SCAP: variants seen among roughly 807,000 people sequenced by gnomAD.
SCAP encodes the protein SREBF chaperone, also known as sterol regulatory element-binding protein cleavage-activating protein.
A neutral mutation model predicts 123.6 loss-of-function variants in SCAP; 65 were observed. The observed-to-expected ratio is 0.53, with a 90% confidence interval of 0.43 to 0.65. SCAP has a LOEUF of 0.65. SCAP is among the 30% of genes least tolerant of loss of function. The pLI is 0.00. For synonymous variants in SCAP, 740 were observed against 726.3 expected (o/e 1.02, Z -0.30); for missense variants, 1,398 against 1,712.5 (o/e 0.82, Z 3.24).
At chr3:47,435,211 C>G in intron 2 of SCAP, 74 bp from the exon 3 acceptor site, 1 of 1,472,998 alleles carries the variant, frequency 6.8e-7, no homozygotes, top group Middle Eastern at 2.0e-4. Context: ...ACACAGGAGC[C>G]ACTGGAGTTA....
In SCAP at chr3:47,449,575, C is replaced by G. The variant is rs1248553414; in HGVS notation, c.-98-6484G>C. Among the ~76,000 whole-genome samples, 3 of 124,224 alleles carry G rather than the reference C, an allele frequency of 2.4e-5. 1 individual carries two copies. The highest frequency in any genetic ancestry group is 5.3e-5 in the Non-Finnish European group (3 of 56,210). 81.5% of individuals were successfully genotyped at this position (124,224 alleles called of 152,430 possible). A position where few individuals can be genotyped will look rare whatever the true frequency, so the allele number is the denominator to read the frequency against. ...AGAAAAGGAGAAAAGACAAAGCAAACAACACACGAGATTTCTTCCTCCATC... is the reference window on the plus strand; with the variant it reads ...AGAAAAGGAGAAAAGACAAAGCAAAGAACACACGAGATTTCTTCCTCCATC... On this transcript the variant is annotated intron_variant, in intron 1 of 22. Transcript: ENST00000265565.
chr3:47,427,115 C>T (rs1487319894), intron 6 of SCAP, 42 bp downstream of exon 6: 2 of 1,426,014 alleles, frequency 1.4e-6, no homozygotes, highest in Non-Finnish European at 2.0e-6. Context: ...CCTCATGTCA[C>T]CCAGCAGACC....
chr3:47,426,052 G>A lies in SCAP; in HGVS notation c.855C>T (p.Leu285=). 1 of 1,614,218 alleles carries A rather than the reference G, an allele frequency of 6.2e-7. No homozygotes were observed. The highest frequency in any genetic ancestry group is 8.5e-7 in the Non-Finnish European group (1 of 1,180,026). The part of the protein sequence containing the change: ...HFKEEIGVAE[L]IPLVTTYIIL... ...TGATGTAGGTGGTCACAAGGGGGATGAGCTCAGCGACACCAATCTCCTCCT... is the reference window on the plus strand; with the variant it reads ...TGATGTAGGTGGTCACAAGGGGGATAAGCTCAGCGACACCAATCTCCTCCT... The change falls in exon 7 of 23, where the codon CTC becomes CTT. Residue 285 remains leucine, a synonymous_variant. Transcript: ENST00000265565.
chr3:47,415,864 T>C (rs777304971), intron 18 of SCAP, among the ~76,000 whole-genome samples: 1 of 152,024 alleles, frequency 6.6e-6, no homozygotes, highest in Non-Finnish European at 1.5e-5. Context: ...TGGAAGTGGG[T>C]GGACAAGGAG....
intron 1 of SCAP, among the ~76,000 whole-genome samples, chr3:47,454,121 A>G (rs1707320846): frequency 2.0e-5 from 3 of 152,208 alleles, no homozygotes; most frequent in Non-Finnish European, 4.4e-5. Context: ...TAATCCCAGC[A>G]CTTTGGGTGG....
rs201644938 is a variant in SCAP at position 47,425,982 on chromosome 3, C to G, written c.910+15G>C. Reference sequence around the variant, plus strand: ...AGCTTGGAGAAAGCCCTCAGCCTCCCTGCCATGAACCTACGCGTGGAGAAG... The same window carrying G: ...AGCTTGGAGAAAGCCCTCAGCCTCCGTGCCATGAACCTACGCGTGGAGAAG... On this transcript the variant is annotated intron_variant, in intron 7 of 22. Transcript: ENST00000265565. 6.2e-7 allele frequency: 1 copy of G among 1,613,820 alleles called. No individual in the cohort carries two copies. Among genetic ancestry groups the G allele is most frequent in the South Asian group, 1.1e-5 (1 of 91,042 alleles).
chr3:47,432,511 A>G (rs1378797470), intron 3 of SCAP, among the ~76,000 whole-genome samples: 1 of 151,972 alleles, frequency 6.6e-6, no homozygotes, highest in Non-Finnish European at 1.5e-5. Context: ...GTGAGCCTCT[A>G]TCTGTCCCCC....
At chr3:47,432,408 CCCT>C (rs1017094199) in intron 3 of SCAP, among the ~76,000 whole-genome samples, 12 of 151,638 alleles carry the variant, frequency 7.9e-5, no homozygotes, top group African/African-American at 2.2e-4. Flanking sequence ...TCGATTGCCC[CCCT>C]ATGTCTCTTT....
rs199986589 is a variant in SCAP, at chr3:47,424,045, G to A, written c.1038C>T (p.Gly346=). 2.5e-5 allele frequency: 41 copies of A among 1,609,334 alleles called. No individual in the cohort carries two copies. The highest frequency in any genetic ancestry group is 8.9e-5 in the East Asian group (4 of 44,868). ...CCACCACAAGGTAGGGGAAAATCTCGCTGGGGACAGAGAAGGAGAAGGTGA... is the reference window on the plus strand; with the variant it reads ...CCACCACAAGGTAGGGGAAAATCTCACTGGGGACAGAGAAGGAGAAGGTGA... ...LFGLTPTLNG[G]EIFPYLVVVI... is the part of the protein sequence containing the mutation. Residue 346 remains glycine (G), a splice_region_variant and synonymous_variant, in exon 9 of 23, where the codon GGC becomes GGT. Coordinates refer to ENST00000265565, the MANE Select transcript of SCAP (RefSeq NM_012235.4).
chr3:47,422,392 C>T (rs1460610709), intron 10 of SCAP, 50 bp downstream of exon 10: 8 of 1,530,626 alleles, frequency 5.2e-6, no homozygotes, highest in South Asian at 2.3e-5. Context: ...AGCTGGGGAG[C>T]ACAGCAGTTG....
intron 1 of SCAP, among the ~76,000 whole-genome samples, chr3:47,454,492 C>G (rs1707341286): frequency 6.6e-6 from 1 of 151,950 alleles, no homozygotes. Context: ...TTTGGGAGAC[C>G]AAGGCTGGTG....
intron 1 of SCAP, among the ~76,000 whole-genome samples, chr3:47,474,887 C>T (rs1708207734): frequency 6.6e-6 from 1 of 152,202 alleles, no homozygotes; most frequent in African/African-American, 2.4e-5. Context: ...GACCCTGACT[C>T]CCTAATAAAA....
chr3:47,423,812 G>A (rs555342511), intron 9 of SCAP, 121 bp downstream of exon 9: 45 of 724,086 alleles, frequency 6.2e-5, no homozygotes, highest in South Asian at 4.2e-4. Context: ...ATATTATGCC[G>A]GAGGCAAGAG....
intron 2 of SCAP, among the ~76,000 whole-genome samples, chr3:47,437,139 G>A (rs945211499): frequency 5.9e-5 from 9 of 152,216 alleles, no homozygotes; most frequent in Admixed American, 4.6e-4. Flanking sequence ...TCTGGTTTGA[G>A]CTATTAAGAA....
Position 47,420,957 on chromosome 3 carries a change from G to A in SCAP, c.1318C>T (p.Leu440=). 6.2e-7 allele frequency: 1 copy of A among 1,613,936 alleles called. No homozygotes were observed. The highest frequency in any genetic ancestry group is 2.2e-5 in the East Asian group (1 of 44,874). ...TCCATCCGGCGAATGTCAATGGACA[G>A]GACAGTGGTGAAAAACAGCATCTGA... ...FLQMLFFTTV[L]SIDIRRMELA... Residue 440 remains leucine (L), a synonymous_variant, in exon 11 of 23, where the codon CTG becomes TTG. Transcript: ENST00000265565. The surrounding 1 kb of genome is among the most constrained non-coding windows in gnomAD (Gnocchi z 5.0).
intron 2 of SCAP, among the ~76,000 whole-genome samples, chr3:47,441,412 G>A (rs1432777745): frequency 1.3e-5 from 2 of 152,014 alleles, no homozygotes; most frequent in African/African-American, 4.8e-5. Context: ...AGGCTGAGGT[G>A]AGCTGTGATT....
intron 13 of SCAP, 90 bp from the exon 14 acceptor site, chr3:47,418,933 G>T: frequency 7.5e-7 from 1 of 1,334,356 alleles, no homozygotes. Context: ...CTCCTCCCCA[G>T]GCAGGCCTCA....
intron 18 of SCAP, 31 bp from the exon 19 acceptor site, chr3:47,415,211 C>T: frequency 6.3e-7 from 1 of 1,586,058 alleles, no homozygotes; most frequent in Non-Finnish European, 8.6e-7. Flanking sequence ...CCAGGGGCCT[C>T]TCCCTTAGAG....
chr3:47,417,610 T>C lies in SCAP; in HGVS notation c.2664A>G (p.Ser888=). Reference sequence around the variant, plus strand: ...GCCGGGGCTCGGGCTGAGTGGGCTGTGAGGACCGAGGCTGCGCTGAAAAGT... The same window carrying C: ...GCCGGGGCTCGGGCTGAGTGGGCTGCGAGGACCGAGGCTGCGCTGAAAAGT... The part of the protein sequence containing the change: ...DTNFSAQPRS[S]QPTQPEPRHR... Residue 888 remains serine, a synonymous_variant, in exon 17 of 23, where the codon TCA becomes TCG. Transcript: ENST00000265565. 2.5e-6 allele frequency: 4 copies of C among 1,604,280 alleles called. No individual in the cohort carries two copies. Among genetic ancestry groups the C allele is most frequent in the Non-Finnish European group, 2.5e-6 (3 of 1,176,828 alleles).
Sources: gnomAD v4.1 joint callset for allele counts (sites outside exome capture counted in the v4.1 genomes callset) on GRCh38, gnomAD v4.1.1 for gene constraint, Gnocchi (gnomAD v3.1) non-coding constraint, MANE v1.5 for transcripts, NCBI Gene and HGNC (gene_info 2026-07-23, HGNC 2026-07-21) for gene names.